ABCE1: variants seen among roughly 807,000 people sequenced by gnomAD.
The protein encoded by ABCE1 is ATP binding cassette subfamily E member 1, also known as ATP-binding cassette sub-family E member 1.
A neutral mutation model predicts 83.4 loss-of-function variants in ABCE1; 22 were observed. The ratio of observed to expected loss-of-function variants is 0.26; its 90% CI spans 0.19 to 0.38. The LOEUF is 0.38. Among genes scored for constraint, ABCE1 ranks in the 10% least tolerant of loss-of-function variants. The pLI, the probability that ABCE1 is intolerant of heterozygous loss-of-function variation, is 1.00. For missense variants in ABCE1, 330 were observed against 721.9 expected, an observed-to-expected ratio of 0.46 and a Z score of 6.22; for synonymous variants, 204 against 233.7, an observed-to-expected ratio of 0.87 and a Z score of 1.16.
At position 145,128,423 on chromosome 4, in the gene ABCE1, A is replaced by G. The variant is rs1749952092; in HGVS notation, c.*850A>G. 1 of 152,254 alleles carries G rather than the reference A, an allele frequency of 6.6e-6. No individual in the cohort carries two copies. The highest frequency in any genetic ancestry group is 6.5e-5 in the Admixed American group (1 of 15,272). 9.4% of individuals were successfully genotyped at this position (152,254 alleles called of 1,614,324 possible). A position where few individuals can be genotyped will look rare whatever the true frequency, so the allele number is the denominator to read the frequency against. On this transcript the variant is annotated 3_prime_UTR_variant, in exon 18 of 18. Transcript: ENST00000296577. The stretch of plus-strand genomic sequence containing the variant: ...CTTTAAAGATGGTGCCTAAGCATCT[A>G]TGTATTTTTTTTAAGTTCCACAGAT...
intron 1 of ABCE1, among the ~76,000 whole-genome samples, chr4:145,102,209 G>A (rs535711144): frequency 3.7e-4 from 57 of 152,260 alleles, no homozygotes; most frequent in Middle Eastern, 3.4e-3. Flanking sequence ...AACAATGATG[G>A]CTCGAAAAGT....
At position 145,115,104 on chromosome 4, in the gene ABCE1, AT is replaced by A. The variant is rs1374448485; in HGVS notation, c.801-2183del. ...GCCCCAAATTAACTGTAGGGTATAC[AT>A]TTTTTACAACCTAGATTCCTTACTA... On this transcript the variant is annotated intron_variant, in intron 9 of 17. Coordinates refer to ENST00000296577, the MANE Select transcript of ABCE1 (RefSeq NM_002940.3). 9.2e-5 allele frequency among the ~76,000 whole-genome samples: 14 copies of A among 151,990 alleles called. 1 individual carries two copies. The East Asian group carries it at 2.7e-3, about 29-fold the overall frequency.
At chr4:145,106,366 A>T (rs1334879830) in intron 3 of ABCE1, among the ~76,000 whole-genome samples, 1 of 152,020 alleles carries the variant, frequency 6.6e-6, no homozygotes, top group African/African-American at 2.4e-5. Flanking sequence ...TCCTTGTTTA[A>T]GTATCCGGAA....
In ABCE1 at chr4:145,105,600, A is replaced by G; in HGVS notation, c.104-5A>G. 1 of 1,574,492 alleles carries G rather than the reference A, an allele frequency of 6.4e-7. No homozygotes were observed. Among genetic ancestry groups the G allele is most frequent in the Admixed American group, 1.7e-5 (1 of 57,692 alleles). On this transcript the variant is annotated splice_polypyrimidine_tract_variant and splice_region_variant and intron_variant, in intron 2 of 17. Transcript: ENST00000296577. ...ATGGCTTAATTATATCTTTTCCTTT[A>G]CCAGGAAAATTATGCATAGAGGTTA...
rs768305558 is a variant in ABCE1, at chr4:145,123,620, T to C, written c.1640+20T>C. 10 of 1,561,676 alleles carry C rather than the reference T, an allele frequency of 6.4e-6. No homozygotes were observed. The highest frequency in any genetic ancestry group is 5.4e-5 in the Admixed American group (3 of 55,868). ...AAACAGGTAAAATTACTTTTTAATATGTTCAAAGTAATTCATTTTAAATTT... is the reference window on the plus strand; with the variant it reads ...AAACAGGTAAAATTACTTTTTAATACGTTCAAAGTAATTCATTTTAAATTT... On this transcript the variant is annotated intron_variant, in intron 16 of 17. Transcript: ENST00000296577.
At chr4:145,104,129 G>C (rs1203485561) in intron 1 of ABCE1, among the ~76,000 whole-genome samples, 1 of 151,014 alleles carries the variant, frequency 6.6e-6, no homozygotes, top group Admixed American at 6.6e-5. Context: ...TTTTCTTTTT[G>C]TCGCTATTGT....
chr4:145,112,359 G>T, intron 9 of ABCE1, 31 bp downstream of exon 9: 1 of 1,405,822 alleles, frequency 7.1e-7, no homozygotes, highest in Non-Finnish European at 9.8e-7. Context: ...TTACTGTGTT[G>T]TTTTGTTTGG....
intron 11 of ABCE1, among the ~76,000 whole-genome samples, chr4:145,120,732 A>G (rs1186163281): frequency 2.0e-5 from 3 of 152,104 alleles, no homozygotes; most frequent in Non-Finnish European, 4.4e-5. Flanking sequence ...TTTTATATAA[A>G]GATTGTTACA....
intron 9 of ABCE1, among the ~76,000 whole-genome samples, chr4:145,113,524 T>C (rs1156526223): frequency 6.6e-6 from 1 of 152,128 alleles, no homozygotes; most frequent in African/African-American, 2.4e-5. Flanking sequence ...AGGATTCCTA[T>C]AGGTAATGGC....
At chr4:145,107,743 T>C (rs1480923313) in intron 3 of ABCE1, among the ~76,000 whole-genome samples, 1 of 152,216 alleles carries the variant, frequency 6.6e-6, no homozygotes, top group Non-Finnish European at 1.5e-5. Context: ...GCTCCAGGGC[T>C]GACTGCAGGA....
chr4:145,113,788 G>T (rs975411825), intron 9 of ABCE1, among the ~76,000 whole-genome samples: 1 of 152,064 alleles, frequency 6.6e-6, no homozygotes, highest in African/African-American at 2.4e-5. Context: ...TTAAAAGCAT[G>T]GTGACATTAC....
chr4:145,110,713 C>G, intron 7 of ABCE1: 1 of 544,840 alleles, frequency 1.8e-6, no homozygotes, highest in South Asian at 2.5e-5. Context: ...CCACCTGCCT[C>G]AGCCTCCCAA....
chr4:145,114,450 T>C (rs888510035), intron 9 of ABCE1, among the ~76,000 whole-genome samples: 12 of 152,134 alleles, frequency 7.9e-5, no homozygotes, highest in African/African-American at 2.6e-4. Context: ...TTTAAAGATA[T>C]CAAATCATGT....
rs746061584 is a variant in ABCE1 at position 145,110,183 on chromosome 4, T to C, written c.486T>C (p.Asp162=). Residue 162 remains aspartate, a synonymous_variant, in exon 6 of 18, where the codon GAT becomes GAC. Coordinates refer to ENST00000296577, the MANE Select transcript of ABCE1 (RefSeq NM_002940.3). ...LQNYFTKILE[D]DLKAIIKPQY... is the part of the protein sequence containing the mutation. ...ATTACTTTACAAAGATTCTAGAAGA[T>C]GACCTAAAAGCCATCATCAAACCTC... 1 of 1,608,496 alleles carries C rather than the reference T, an allele frequency of 6.2e-7. No individual in the cohort carries two copies. The highest frequency in any genetic ancestry group is 1.7e-5 in the Admixed American group (1 of 58,992).
At chr4:145,118,064 C>G (rs987799365) in intron 10 of ABCE1, among the ~76,000 whole-genome samples, 3 of 151,496 alleles carry the variant, frequency 2.0e-5, no homozygotes, top group African/African-American at 4.8e-5. Context: ...TTTTTTTCTT[C>G]CCATTTTCCT....
At chr4:145,124,516 C>T (rs774130308) in intron 16 of ABCE1, among the ~76,000 whole-genome samples, 1 of 152,068 alleles carries the variant, frequency 6.6e-6, no homozygotes, top group Non-Finnish European at 1.5e-5. Context: ...GATTTAAGAA[C>T]TCACTTGGGT....
At chr4:145,106,028 G>GGGC (rs1402566006) in intron 3 of ABCE1, among the ~76,000 whole-genome samples, 3 of 151,684 alleles carry the variant, frequency 2.0e-5, no homozygotes, top group African/African-American at 7.3e-5. Context: ...CTTTTAAATA[G>GGGC]AAATGCACAC....
rs375382004 is a variant in ABCE1 at position 145,110,968 on chromosome 4, A to G, written c.614A>G (p.Asp205Gly). Residue 205 changes from aspartate to glycine, a missense_variant and splice_region_variant, in exon 8 of 18, where the codon GAT becomes GGT. Coordinates refer to ENST00000296577, the MANE Select transcript of ABCE1 (RefSeq NM_002940.3). Reference sequence around the variant, plus strand: ...CACAATGCCTCTATGTTCTTTGTAGATTTAACCCACCTAAAAGAACGAAAT... The same window carrying G: ...CACAATGCCTCTATGTTCTTTGTAGGTTTAACCCACCTAAAAGAACGAAAT... ...KTQAIVCQQLDLTHLKERNVE... is the reference protein window; with the variant it reads ...KTQAIVCQQLGLTHLKERNVE... 2 of 1,606,392 alleles carry G rather than the reference A, an allele frequency of 1.2e-6. No individual in the cohort carries two copies. Among genetic ancestry groups the G allele is most frequent in the Non-Finnish European group, 1.7e-6 (2 of 1,176,748 alleles).
chr4:145,127,968 G>C lies in ABCE1; in HGVS notation c.*395G>C, dbSNP rs1749938182. 6.4e-6 allele frequency: 1 copy of C among 155,276 alleles called. No homozygotes were observed. Among genetic ancestry groups the C allele is most frequent in the Non-Finnish European group, 1.4e-5 (1 of 70,012 alleles). The allele number at this position is 155,276 out of a possible 1,614,324, so 9.6% of individuals were successfully genotyped here. On this transcript the variant is annotated 3_prime_UTR_variant, in exon 18 of 18. Coordinates refer to ENST00000296577, the MANE Select transcript of ABCE1 (RefSeq NM_002940.3). ...TACCTGGTTTGCCAAGTATGCCAGT[G>C]TAATGAAACTGCCCTTATTTTAAAA... is the stretch of plus-strand genomic sequence containing the variant.
Sources: gnomAD v4.1 joint callset for allele counts (sites outside exome capture counted in the v4.1 genomes callset) on GRCh38, gnomAD v4.1.1 for gene constraint, MANE v1.5 for transcripts, NCBI Gene and HGNC (gene_info 2026-07-23, HGNC 2026-07-21) for gene names.